The following BFSP2 variants were observed in gnomAD, a reference collection of about 807,000 sequenced individuals.
BFSP2 encodes beaded filament structural protein 2.
BFSP2 carries 38 observed loss-of-function variants against 44.9 expected under a neutral mutation model. The ratio of observed to expected loss-of-function variants is 0.85; its 90% confidence interval spans 0.65 to 1.11. The LOEUF is 1.11. BFSP2 is among the 50% of genes least tolerant of loss of function. The pLI is 0.00. For synonymous variants in BFSP2, 197 were observed against 209.9 expected, an observed-to-expected ratio of 0.94 and a Z score of 0.53; for missense variants, 525 against 533.0, an observed-to-expected ratio of 0.99 and a Z score of 0.15.
At chr3:133,470,237 A>T (rs2107943638) in intron 5 of BFSP2, among the ~76,000 whole-genome samples, 1 of 152,346 alleles carries the variant, frequency 6.6e-6, no homozygotes, top group East Asian at 1.9e-4. Context: ...CTGACTCAAC[A>T]TTCTCATATC....
chr3:133,474,697 G>T (rs1229739675), intron 6 of BFSP2, among the ~76,000 whole-genome samples: 1 of 152,166 alleles, frequency 6.6e-6, no homozygotes, highest in East Asian at 1.9e-4. Context: ...AGGCAGACCT[G>T]ACTCTTGATT....
intron 1 of BFSP2, among the ~76,000 whole-genome samples, chr3:133,417,752 A>C (rs1231358939): frequency 3.7e-5 from 3 of 81,354 alleles, no homozygotes; most frequent in Admixed American, 1.3e-4. Context: ...TCTCCCCTCT[A>C]CTCACCTCTG....
At chr3:133,439,974 C>A (rs1249976485) in intron 1 of BFSP2, among the ~76,000 whole-genome samples, 1 of 151,990 alleles carries the variant, frequency 6.6e-6, no homozygotes, top group Non-Finnish European at 1.5e-5. Context: ...AGTATAAGTC[C>A]ATTTTCCTAC....
rs144638441 is a variant in BFSP2, at chr3:133,415,703, CCT to C, written c.489+15132_489+15133del. On this transcript the variant is annotated intron_variant, in intron 1 of 6. Coordinates refer to ENST00000302334, the MANE Select transcript of BFSP2 (RefSeq NM_003571.4). ...CCCTCTACTCACCCCTCTACTCACC[CCT>C]GTCCTCTCCCCTCTACTCATCCCTC... 3.8e-3 allele frequency among the ~76,000 whole-genome samples: 546 copies of C among 143,436 alleles called. 8 individuals carry two copies. Among genetic ancestry groups the C allele is most frequent in the African/African-American group, 0.012 (430 of 37,210 alleles). 94.1% of individuals were successfully genotyped at this position (143,436 alleles called of 152,430 possible).
In BFSP2 at chr3:133,400,945, C is replaced by T. The variant is rs1188980646; in HGVS notation, c.489+373C>T. ...TTTGTGCCTCCAAAGTTGCATTTGC[C>T]CCATTACCCTGGGGCTGCCTCAGTC... On this transcript the variant is annotated intron_variant, in intron 1 of 6. Coordinates refer to ENST00000302334, the MANE Select transcript of BFSP2 (RefSeq NM_003571.4). This position sits in a 1 kb window ranked among gnomAD's most constrained non-coding sequence, Gnocchi z 4.0. 1.3e-5 allele frequency among the ~76,000 whole-genome samples: 2 copies of T among 152,114 alleles called. No homozygotes were observed. Among genetic ancestry groups the T allele is most frequent in the East Asian group, 3.9e-4 (2 of 5,190 alleles).
chr3:133,459,201 A>T (rs986977189), intron 4 of BFSP2, among the ~76,000 whole-genome samples: 6 of 152,084 alleles, frequency 3.9e-5, no homozygotes, highest in Admixed American at 3.3e-4. Flanking sequence ...TTAATTGGTC[A>T]GGTGTAGAAG....
intron 3 of BFSP2, among the ~76,000 whole-genome samples, chr3:133,449,675 C>G (rs2073938410): frequency 6.6e-6 from 1 of 151,896 alleles, no homozygotes; most frequent in Non-Finnish European, 1.5e-5. Flanking sequence ...CCCAGGAGTT[C>G]AAGACCAGCC....
intron 1 of BFSP2, among the ~76,000 whole-genome samples, chr3:133,403,946 C>A (rs1042030067): frequency 2.6e-5 from 4 of 152,082 alleles, no homozygotes; most frequent in Non-Finnish European, 5.9e-5. Context: ...AACTAGGGTG[C>A]CAGGAGGGCT....
intron 4 of BFSP2, among the ~76,000 whole-genome samples, chr3:133,453,719 T>G (rs1008175146): frequency 6.6e-6 from 1 of 152,152 alleles, no homozygotes; most frequent in African/African-American, 2.4e-5. Context: ...GGCAAAAAGA[T>G]GCAGAATCTG....
chr3:133,424,039 CTTTTTT>C (rs148089425), intron 1 of BFSP2, among the ~76,000 whole-genome samples: 1 of 141,102 alleles, frequency 7.1e-6, no homozygotes. Flanking sequence ...TTCTCTTCTG[CTTTTTT>C]TTTTTGCGGG....
chr3:133,408,807 A>T (rs1176744050), intron 1 of BFSP2, among the ~76,000 whole-genome samples: 2 of 145,840 alleles, frequency 1.4e-5, no homozygotes, highest in Non-Finnish European at 3.1e-5. Flanking sequence ...ATATACATAC[A>T]TATGTGTTTA....
intron 4 of BFSP2, among the ~76,000 whole-genome samples, chr3:133,460,614 C>A (rs377020762): frequency 6.6e-6 from 1 of 152,136 alleles, no homozygotes; most frequent in Non-Finnish European, 1.5e-5. Context: ...GTTGGAGAGG[C>A]CTTTGTCCCC....
intron 5 of BFSP2, 50 bp downstream of exon 5, chr3:133,467,009 C>T: frequency 1.3e-6 from 2 of 1,528,224 alleles, no homozygotes; most frequent in Non-Finnish European, 1.8e-6. Flanking sequence ...TTTTAACTCT[C>T]TACTGTCAAA....
intron 1 of BFSP2, among the ~76,000 whole-genome samples, chr3:133,425,614 TC>T (rs2073637014): frequency 1.3e-5 from 2 of 152,126 alleles, no homozygotes; most frequent in South Asian, 4.1e-4. Context: ...ATTCAACATA[TC>T]AACCCTCACT....
chr3:133,454,884 G>T (rs11716376), intron 4 of BFSP2, among the ~76,000 whole-genome samples: 7,946 of 152,150 alleles, frequency 0.052, 270 homozygotes, highest in Non-Finnish European at 0.081. Context: ...TTTAAGAGGG[G>T]GTTTTTTTAA....
At chr3:133,450,016 A>AGGAAGGAAGGAAGGAAGGAAGGAG (rs1225503133) in intron 3 of BFSP2, among the ~76,000 whole-genome samples, 61 of 93,248 alleles carry the variant, frequency 6.5e-4, no homozygotes, top group African/African-American at 1.9e-3. Context: ...GAAGGAAGGA[A>AGGAAGGAAGGAAGGAAGGAAGGAG]GGAGGGAGGG....
chr3:133,435,879 T>C (rs1171042187), intron 1 of BFSP2, among the ~76,000 whole-genome samples: 3 of 152,248 alleles, frequency 2.0e-5, no homozygotes, highest in Non-Finnish European at 2.9e-5. Flanking sequence ...CATGATTTCA[T>C]TATTTTTCTA....
intron 1 of BFSP2, among the ~76,000 whole-genome samples, chr3:133,440,949 G>A (rs1179331232): frequency 6.6e-6 from 1 of 151,964 alleles, no homozygotes; most frequent in Non-Finnish European, 1.5e-5. Flanking sequence ...CAGTGGCTGT[G>A]ACTGTGCTTG....
intron 1 of BFSP2, among the ~76,000 whole-genome samples, chr3:133,408,733 G>T (rs1224331247): frequency 6.6e-6 from 1 of 152,144 alleles, no homozygotes; most frequent in Non-Finnish European, 1.5e-5. Context: ...TGAGCTAAAA[G>T]GCAAGATGGA....
Sources: gnomAD v4.1 joint callset for allele counts (sites outside exome capture counted in the v4.1 genomes callset) on GRCh38, gnomAD v4.1.1 for gene constraint, Gnocchi (gnomAD v3.1) non-coding constraint, MANE v1.5 for transcripts, NCBI Gene and HGNC (gene_info 2026-07-23, HGNC 2026-07-21) for gene names.